Variants in CSNK1A1L observed in about 807,000 individuals in gnomAD.
CSNK1A1L encodes the protein casein kinase 1 alpha 1 like.
A neutral mutation model predicts 24.6 loss-of-function variants in CSNK1A1L; 20 were observed. The observed-to-expected ratio is 0.81, with a 90% CI of 0.57 to 1.18. The LOEUF is 1.18. CSNK1A1L is among the 50% of genes most tolerant of loss of function. The pLI is 0.00. For missense variants in CSNK1A1L, 414 were observed against 419.0 expected (o/e 0.99, Z 0.10); for synonymous variants, 152 against 154.0 (o/e 0.99, Z 0.09).
chr13:37,104,402 G>A lies in CSNK1A1L; in HGVS notation c.855C>T (p.Phe285=). ...MYLRQLFRIL[F]RTLNHQYDYT... is the part of the protein sequence containing the mutation. ...AGTCATATTGGTGGTTCAGGGTCCTGAAAAGAATGCGGAATAGCTGCCTCA... is the reference window on the plus strand; with the variant it reads ...AGTCATATTGGTGGTTCAGGGTCCTAAAAAGAATGCGGAATAGCTGCCTCA... Residue 285 remains phenylalanine (F), a synonymous_variant, in exon 1 of 1, where the codon TTC becomes TTT. Coordinates refer to ENST00000379800, the MANE Select transcript of CSNK1A1L (RefSeq NM_145203.6). 1.2e-6 allele frequency: 2 copies of A among 1,614,170 alleles called. No homozygotes were observed. The highest frequency in any genetic ancestry group is 1.7e-6 in the Non-Finnish European group (2 of 1,180,038).
rs747998410 is a variant in CSNK1A1L at position 37,105,278 on chromosome 13, C to T, written c.-22G>A. The T allele has an allele frequency of 1.2e-6, 2 of 1,604,172 alleles. No individual in the cohort carries two copies. The highest frequency in any genetic ancestry group is 1.7e-6 in the Non-Finnish European group (2 of 1,174,792). ...TCATCCTGAGAGGCAAAGATGGAGG[C>T]TGGGCTCAGCCCTGACCCCTCTAGG... On this transcript the variant is annotated 5_prime_UTR_variant, in exon 1 of 1. Transcript: ENST00000379800.
rs1045864859 is a variant in CSNK1A1L, at chr13:37,104,396, G to C, written c.861C>G (p.Thr287=). The C allele has an allele frequency of 6.2e-7, 1 of 1,614,070 alleles. No individual in the cohort carries two copies. The highest frequency in any genetic ancestry group is 2.2e-5 in the East Asian group (1 of 44,888). The part of the protein sequence containing the change: ...LRQLFRILFR[T]LNHQYDYTFD... The stretch of plus-strand genomic sequence containing the variant: ...ATGTGTAGTCATATTGGTGGTTCAG[G>C]GTCCTGAAAAGAATGCGGAATAGCT... The change falls in exon 1 of 1, where the codon ACC becomes ACG. Residue 287 remains threonine (T), a synonymous_variant. Coordinates refer to ENST00000379800, the MANE Select transcript of CSNK1A1L (RefSeq NM_145203.6).
rs568141225 is a variant in CSNK1A1L at position 37,103,484 on chromosome 13, T to C, written c.*759A>G. 6.5e-6 allele frequency: 1 copy of C among 152,672 alleles called. No homozygotes were observed. Among genetic ancestry groups the C allele is most frequent in the East Asian group, 1.9e-4 (1 of 5,180 alleles). The allele number at this position is 152,672 out of a possible 1,614,324, so 9.5% of individuals were successfully genotyped here. A position where few individuals can be genotyped will look rare whatever the true frequency, so the allele number is the denominator to read the frequency against. ...AATATGAACAAAATCCCAGATCATA[T>C]GGGTGTTTACGGTGATTACATTTAT... On this transcript the variant is annotated 3_prime_UTR_variant, in exon 1 of 1. Transcript: ENST00000379800.
Position 37,104,012 on chromosome 13 carries a change from C to T in CSNK1A1L, c.*231G>A, listed in dbSNP as rs1856028. Reference sequence around the variant, plus strand: ...AATAAATGCAATAGAAAACCAGACACCACGTTTCACTACCTCAGTTAATAT... The same window carrying T: ...AATAAATGCAATAGAAAACCAGACATCACGTTTCACTACCTCAGTTAATAT... On this transcript the variant is annotated 3_prime_UTR_variant, in exon 1 of 1. Transcript: ENST00000379800. 0.45 allele frequency: 260,375 copies of T among 578,972 alleles called. 61,072 individuals carry two copies. The highest frequency in any genetic ancestry group is 0.77 in the East Asian group (26,330 of 34,128). 35.9% of individuals were successfully genotyped at this position (578,972 alleles called of 1,614,324 possible).
rs1245165220 is a variant in CSNK1A1L at position 37,104,047 on chromosome 13, C to G, written c.*196G>C. On this transcript the variant is annotated 3_prime_UTR_variant, in exon 1 of 1. Transcript: ENST00000379800. Reference sequence around the variant, plus strand: ...CTACCTCAGTTAATATTCACAATTACAGAGGCTACACTTTGGGATACAGCA... The same window carrying G: ...CTACCTCAGTTAATATTCACAATTAGAGAGGCTACACTTTGGGATACAGCA... 3.1e-6 allele frequency: 2 copies of G among 641,576 alleles called. No individual in the cohort carries two copies. Among genetic ancestry groups the G allele is most frequent in the African/African-American group, 3.7e-5 (2 of 54,584 alleles). The allele number at this position is 641,576 out of a possible 1,614,324, so 39.7% of individuals were successfully genotyped here. A position where few individuals can be genotyped will look rare whatever the true frequency, so the allele number is the denominator to read the frequency against.
chr13:37,105,131 G>A lies in CSNK1A1L; in HGVS notation c.126C>T (p.Asp42=), dbSNP rs9576175. 1 of 1,613,796 alleles carries A rather than the reference G, an allele frequency of 6.2e-7. No individual in the cohort carries two copies. The highest frequency in any genetic ancestry group is 8.5e-7 in the Non-Finnish European group (1 of 1,179,940). Residue 42 remains aspartate, a synonymous_variant, in exon 1 of 1, where the codon GAC becomes GAT. Transcript: ENST00000379800. ...YLGITTTNGE[D]VAVKLESQKV... ...TCTGAGATTCCAGCTTCACTGCTAC[G>A]TCCTCGCCGTTGGTGGTGGTGATGC...
chr13:37,104,133 G>T lies in CSNK1A1L; in HGVS notation c.*110C>A. 1 of 1,410,782 alleles carries T rather than the reference G, an allele frequency of 7.1e-7. No individual in the cohort carries two copies. The highest frequency in any genetic ancestry group is 9.8e-7 in the Non-Finnish European group (1 of 1,016,064). The allele number at this position is 1,410,782 out of a possible 1,614,324, so 87.4% of individuals were successfully genotyped here. A position where few individuals can be genotyped will look rare whatever the true frequency, so the allele number is the denominator to read the frequency against. ...TAAAGTTTTTTACACCAACTAAATG[G>T]TTGTTCACAGCCACTAGCTGGTGTA... On this transcript the variant is annotated 3_prime_UTR_variant, in exon 1 of 1. Coordinates refer to ENST00000379800, the MANE Select transcript of CSNK1A1L (RefSeq NM_145203.6).
At position 37,105,396 on chromosome 13, in the gene CSNK1A1L, G is replaced by T. The variant is rs989771082; in HGVS notation, c.-140C>A. The T allele has an allele frequency of 7.9e-6, 7 of 891,350 alleles. No individual in the cohort carries two copies. The African/African-American group carries it at 1.2e-4, about 15-fold the overall frequency. The allele number at this position is 891,350 out of a possible 1,614,324, so 55.2% of individuals were successfully genotyped here. A position where few individuals can be genotyped will look rare whatever the true frequency, so the allele number is the denominator to read the frequency against. On this transcript the variant is annotated 5_prime_UTR_variant, in exon 1 of 1. Transcript: ENST00000379800. Reference sequence around the variant, plus strand: ...CCGAGGCGTTTCCCGGTGTTACAGGGCGTGGAGTCAGCCTGATCCCTGCAG... The same window carrying T: ...CCGAGGCGTTTCCCGGTGTTACAGGTCGTGGAGTCAGCCTGATCCCTGCAG...
chr13:37,103,966 TTTAG>T lies in CSNK1A1L; in HGVS notation c.*273_*276del, dbSNP rs755158301. 8.0e-6 allele frequency: 4 copies of T among 497,948 alleles called. No individual in the cohort carries two copies. Among genetic ancestry groups the T allele is most frequent in the African/African-American group, 1.9e-5 (1 of 51,852 alleles). The allele number at this position is 497,948 out of a possible 1,614,324, so 30.8% of individuals were successfully genotyped here. A position where few individuals can be genotyped will look rare whatever the true frequency, so the allele number is the denominator to read the frequency against. Reference sequence around the variant, plus strand: ...TCCACCAATTCGTGTGTGTCAACCATTTAGTTAACTTTTCTACTTGAATAAATGC... The same window carrying T: ...TCCACCAATTCGTGTGTGTCAACCATTTAACTTTTCTACTTGAATAAATGC... On this transcript the variant is annotated 3_prime_UTR_variant, in exon 1 of 1. Coordinates refer to ENST00000379800, the MANE Select transcript of CSNK1A1L (RefSeq NM_145203.6).
chr13:37,105,399 T>C lies in CSNK1A1L; in HGVS notation c.-143A>G. ...AGGCGTTTCCCGGTGTTACAGGGCG[T>C]GGAGTCAGCCTGATCCCTGCAGCAC... On this transcript the variant is annotated 5_prime_UTR_variant, in exon 1 of 1. Transcript: ENST00000379800. 1 of 808,464 alleles carries C rather than the reference T, an allele frequency of 1.2e-6. No individual in the cohort carries two copies. Among genetic ancestry groups the C allele is most frequent in the South Asian group, 1.8e-5 (1 of 56,568 alleles). The allele number at this position is 808,464 out of a possible 1,614,324, so 50.1% of individuals were successfully genotyped here.
chr13:37,104,391 T>G lies in CSNK1A1L; in HGVS notation c.866A>C (p.Asn289Thr). ...ATCAAATGTGTAGTCATATTGGTGG[T>G]TCAGGGTCCTGAAAAGAATGCGGAA... ...QLFRILFRTL[N>T]HQYDYTFDWT... is the part of the protein sequence containing the mutation. The change falls in exon 1 of 1, where the codon AAC becomes ACC. Residue 289 changes from asparagine (N) to threonine (T), a missense_variant. Transcript: ENST00000379800. The G allele has an allele frequency of 6.2e-7, 1 of 1,614,128 alleles. No homozygotes were observed. Among genetic ancestry groups the G allele is most frequent in the Non-Finnish European group, 8.5e-7 (1 of 1,180,036 alleles).
In CSNK1A1L at chr13:37,105,057, A is replaced by G. The variant is rs780697165; in HGVS notation, c.200T>C (p.Leu67Pro). The change falls in exon 1 of 1, where the codon CTT becomes CCT. Residue 67 changes from leucine to proline, a missense_variant. Transcript: ENST00000379800. ...GTGGGGGATGCCAACCCCACCTTGA[A>G]GAATCGTGTAGAGTTTGCTCTCATA... ...LLYESKLYTI[L>P]QGGVGIPHMH... 2.5e-6 allele frequency: 4 copies of G among 1,614,076 alleles called. No homozygotes were observed. Among genetic ancestry groups the G allele is most frequent in the Non-Finnish European group, 1.7e-6 (2 of 1,179,998 alleles).
rs2070760581 is a variant in CSNK1A1L at position 37,103,792 on chromosome 13, C to T, written c.*451G>A. On this transcript the variant is annotated 3_prime_UTR_variant, in exon 1 of 1. Transcript: ENST00000379800. ...CTTTATGTGAACAATTTGCAAACCC[C>T]AGGGATGGAGAAACCCTAAAAATGC... is the stretch of plus-strand genomic sequence containing the variant. 2 of 194,114 alleles carry T rather than the reference C, an allele frequency of 1.0e-5. No homozygotes were observed. Among genetic ancestry groups the T allele is most frequent in the Admixed American group, 1.1e-4 (2 of 18,748 alleles). The allele number at this position is 194,114 out of a possible 1,614,324, so 12.0% of individuals were successfully genotyped here.
rs745367370 is a variant in CSNK1A1L, at chr13:37,105,372, C to T, written c.-116G>A. On this transcript the variant is annotated 5_prime_UTR_variant, in exon 1 of 1. Transcript: ENST00000379800. ...GATGAGGGCTGCTGGAAATGGCCACCGAGGCGTTTCCCGGTGTTACAGGGC... is the reference window on the plus strand; with the variant it reads ...GATGAGGGCTGCTGGAAATGGCCACTGAGGCGTTTCCCGGTGTTACAGGGC... 4.0e-4 allele frequency: 459 copies of T among 1,158,732 alleles called. 5 individuals carry two copies. In the Middle Eastern group the frequency reaches 5.1e-3, roughly 13 times the overall value. 71.8% of individuals were successfully genotyped at this position (1,158,732 alleles called of 1,614,324 possible).
Position 37,104,694 on chromosome 13 carries a change from G to C in CSNK1A1L, c.563C>G (p.Ala188Gly), listed in dbSNP as rs2070766049. ...AATACCAAGATGTGCATTGATGCTG[G>C]CATATCGGACAGTGCCAATGAGGTG... ...DKHLIGTVRY[A>G]SINAHLGIEQ... is the part of the protein sequence containing the mutation. Residue 188 changes from alanine (A) to glycine (G), a missense_variant, in exon 1 of 1, where the codon GCC becomes GGC. Physicochemically the swap from Ala to Gly is moderately conservative, Grantham distance 60 (BLOSUM62 0). Coordinates refer to ENST00000379800, the MANE Select transcript of CSNK1A1L (RefSeq NM_145203.6). 6.2e-7 allele frequency: 1 copy of C among 1,613,944 alleles called. No homozygotes were observed. Among genetic ancestry groups the C allele is most frequent in the Admixed American group, 1.7e-5 (1 of 59,986 alleles).
Position 37,104,583 on chromosome 13 carries a change from C to G in CSNK1A1L, c.674G>C (p.Arg225Thr), listed in dbSNP as rs17856820. The change falls in exon 1 of 1, where the codon AGG becomes ACG. Residue 225 changes from arginine (R) to threonine (T), a missense_variant. Arg to Thr is a moderately conservative substitution (Grantham distance 71). Transcript: ENST00000379800. ...NRTSLPWQGL[R>T]AMTKKQKYEK... The stretch of plus-strand genomic sequence containing the variant: ...ATATTTTTGTTTTTTTGTCATAGCC[C>G]TTAGTCCTTGCCACGGCAGGCTGGT... The G allele has an allele frequency of 6.2e-7, 1 of 1,613,992 alleles. No homozygotes were observed. The highest frequency in any genetic ancestry group is 1.3e-5 in the African/African-American group (1 of 74,882).
In CSNK1A1L at chr13:37,104,866, T is replaced by A. The variant is rs764044643; in HGVS notation, c.391A>T (p.Asn131Tyr). The change falls in exon 1 of 1, where the codon AAT becomes TAT. Residue 131 changes from asparagine to tyrosine, a missense_variant. Physicochemically the swap from Asn to Tyr is moderately radical, Grantham distance 143. Coordinates refer to ENST00000379800, the MANE Select transcript of CSNK1A1L (RefSeq NM_145203.6). The part of the protein sequence containing the change: ...ISRIEYVHTK[N>Y]FLHRDIKPDN... ...GGTTTAATGTCTCGGTGTAGAAAAT[T>A]CTTTGTATGCACGTATTCAATTCTG... 2 of 1,613,990 alleles carry A rather than the reference T, an allele frequency of 1.2e-6. No homozygotes were observed. Among genetic ancestry groups the A allele is most frequent in the Middle Eastern group, 1.7e-4 (1 of 6,060 alleles).
In CSNK1A1L at chr13:37,104,818, C is replaced by G. The variant is rs772718305; in HGVS notation, c.439G>C (p.Gly147Arg). 5.6e-6 allele frequency: 9 copies of G among 1,613,412 alleles called. No homozygotes were observed. Among genetic ancestry groups the G allele is most frequent in the Non-Finnish European group, 6.8e-6 (8 of 1,179,918 alleles). The change falls in exon 1 of 1, where the codon GGG (glycine) becomes CGG (arginine). Residue 147 changes from glycine to arginine, a missense_variant. Gly to Arg is a moderately radical substitution (Grantham distance 125). Coordinates refer to ENST00000379800, the MANE Select transcript of CSNK1A1L (RefSeq NM_145203.6). ...IKPDNFLMGT[G>R]RHCNKLFLID... ...AGGAACAACTTATTACAGTGACGCC[C>G]AGTACCCATCAGGAAGTTATCTGGT...
rs886139846 is a variant in CSNK1A1L at position 37,103,952 on chromosome 13, G to A, written c.*291C>T. On this transcript the variant is annotated 3_prime_UTR_variant, in exon 1 of 1. Coordinates refer to ENST00000379800, the MANE Select transcript of CSNK1A1L (RefSeq NM_145203.6). Reference sequence around the variant, plus strand: ...ATATGGACAATGTCTCCACCAATTCGTGTGTGTCAACCATTTAGTTAACTT... The same window carrying A: ...ATATGGACAATGTCTCCACCAATTCATGTGTGTCAACCATTTAGTTAACTT... 1 of 460,630 alleles carries A rather than the reference G, an allele frequency of 2.2e-6. No individual in the cohort carries two copies. Among genetic ancestry groups the A allele is most frequent in the South Asian group, 2.5e-5 (1 of 40,562 alleles). 28.5% of individuals were successfully genotyped at this position (460,630 alleles called of 1,614,324 possible).
Sources: allele counts gnomAD v4.1 joint callset, GRCh38; gene constraint gnomAD v4.1.1; transcripts MANE v1.5; gene names NCBI Gene and HGNC (gene_info 2026-07-23, HGNC 2026-07-21).